PTPRF: variants seen among roughly 807,000 people sequenced by gnomAD.
The protein encoded by PTPRF is receptor-type tyrosine-protein phosphatase F.
Under a neutral mutation model 201.8 loss-of-function variants are expected in PTPRF, and 59 were observed. The observed-to-expected ratio is 0.29, with a 90% CI of 0.24 to 0.36. The LOEUF is 0.36. Ranked by LOEUF, PTPRF falls within the 10% of genes least tolerant of loss-of-function variation. The pLI is 1.00. For synonymous variants in PTPRF, 1,088 were observed against 1,089.7 expected (o/e 1.00, Z 0.03); for missense variants, 2,132 against 2,690.5 (o/e 0.79, Z 4.59).
At chr1:43,596,758 T>C in intron 11 of PTPRF, among the ~76,000 whole-genome samples, 1 of 152,164 alleles carries the variant, frequency 6.6e-6, no homozygotes, top group Non-Finnish European at 1.5e-5. Flanking sequence ...CATATGTGGC[T>C]GTGTGTGCGG....
In PTPRF at chr1:43,585,422, G is replaced by A. The variant is rs183498248; in HGVS notation, c.680-3309G>A. Among the ~76,000 whole-genome samples the A allele has an allele frequency of 3.9e-5, 6 of 152,224 alleles. No individual in the cohort carries two copies. The East Asian group carries it at 9.7e-4, about 25-fold the overall frequency. On this transcript the variant is annotated intron_variant, in intron 7 of 33. Coordinates refer to ENST00000359947, the MANE Select transcript of PTPRF (RefSeq NM_002840.5). ...TGGAAAATGTCTCAGTCTCAGTAACGTTTCTGCGTGGCTGAAGCCCAGTGT... is the reference window on the plus strand; with the variant it reads ...TGGAAAATGTCTCAGTCTCAGTAACATTTCTGCGTGGCTGAAGCCCAGTGT...
intron 3 of PTPRF, among the ~76,000 whole-genome samples, chr1:43,549,588 C>T (rs1395669667): frequency 6.6e-6 from 1 of 152,202 alleles, no homozygotes; most frequent in Non-Finnish European, 1.5e-5. Context: ...GGTGTGGTGG[C>T]TCATACCCGT....
At chr1:43,544,905 G>A (rs1644567186) in intron 2 of PTPRF, 126 bp from the exon 3 acceptor site, 5 of 612,096 alleles carry the variant, frequency 8.2e-6, no homozygotes, top group Non-Finnish European at 8.4e-6. Context: ...GCCCAAGTGG[G>A]GGGCTCTGTT....
At position 43,621,899 on chromosome 1, in the gene PTPRF, G is replaced by A. The variant is rs1358529340; in HGVS notation, c.5656-36G>A. ...AGCTGTGTAGTGGGGGTGTCCACTG[G>A]CGCGACCCACACTGACCAGCCCCCT... On this transcript the variant is annotated intron_variant, in intron 33 of 33. Transcript: ENST00000359947. The A allele has an allele frequency of 2.5e-6, 4 of 1,607,534 alleles. No individual in the cohort carries two copies. The East Asian group carries it at 6.7e-5, about 27-fold the overall frequency.
chr1:43,592,047 T>C, intron 10 of PTPRF, 99 bp downstream of exon 10: 2 of 1,513,828 alleles, frequency 1.3e-6, no homozygotes, highest in Non-Finnish European at 1.8e-6. Flanking sequence ...CTGTGGCTTA[T>C]GTGGGCACAG....
Position 43,621,136 on chromosome 1 carries a change from C to T in PTPRF, c.5559C>T (p.Ser1853=). The T allele has an allele frequency of 6.2e-7, 1 of 1,614,148 alleles. No homozygotes were observed. Among genetic ancestry groups the T allele is most frequent in the South Asian group, 1.1e-5 (1 of 91,082 alleles). The part of the protein sequence containing the change: ...VGRTGVFITL[S]IVLERMRYEG... ...GCACCGGGGTGTTCATCACTCTGAG[C>T]ATCGTCCTGGAGCGCATGCGCTACG... Residue 1853 remains serine (S), a synonymous_variant, in exon 33 of 34, where the codon AGC becomes AGT. Coordinates refer to ENST00000359947, the MANE Select transcript of PTPRF (RefSeq NM_002840.5).
intron 21 of PTPRF, among the ~76,000 whole-genome samples, chr1:43,608,912 C>A (rs554644353): frequency 6.6e-6 from 1 of 152,270 alleles, no homozygotes; most frequent in Non-Finnish European, 1.5e-5. Context: ...TAGGGTGACG[C>A]CTTTCCCGTC....
intron 6 of PTPRF, among the ~76,000 whole-genome samples, chr1:43,574,146 G>A (rs1378304197): frequency 2.0e-5 from 3 of 151,736 alleles, no homozygotes; most frequent in South Asian, 4.2e-4. Flanking sequence ...ACAAGCATGA[G>A]TCACCACGCC....
chr1:43,597,747 G>GCC lies in PTPRF; in HGVS notation c.1817_1818dup (p.Ser607ProfsTer8). 2.0e-6 allele frequency: 2 copies of GCC among 1,006,150 alleles called. No individual in the cohort carries two copies. The highest frequency in any genetic ancestry group is 2.8e-6 in the Non-Finnish European group (2 of 704,744). 62.3% of individuals were successfully genotyped at this position (1,006,150 alleles called of 1,614,324 possible). A position where few individuals can be genotyped will look rare whatever the true frequency, so the allele number is the denominator to read the frequency against. On this transcript the variant is annotated frameshift_variant and splice_region_variant. Coordinates refer to ENST00000359947, the MANE Select transcript of PTPRF (RefSeq NM_002840.5). LOFTEE classifies it high-confidence loss of function. ...GCTTCCCCCCCATTTGTCTTCCCCA[G>GCC]CCCCCTCCGCCCCTCCCCAGAAGGT...
intron 11 of PTPRF, among the ~76,000 whole-genome samples, chr1:43,592,845 C>G (rs1019405529): frequency 6.6e-6 from 1 of 152,138 alleles, no homozygotes; most frequent in Non-Finnish European, 1.5e-5. Flanking sequence ...CCTCCTCCCG[C>G]CCATGCCCCA....
intron 6 of PTPRF, among the ~76,000 whole-genome samples, chr1:43,570,247 C>T (rs899322007): frequency 2.0e-5 from 3 of 152,220 alleles, no homozygotes; most frequent in Non-Finnish European, 4.4e-5. Context: ...TGTTGTCCCT[C>T]GACCACCAGA....
rs1216144298 is a variant in PTPRF at position 43,603,494 on chromosome 1, G to T, written c.2419G>T (p.Ala807Ser). 7 of 1,614,164 alleles carry T rather than the reference G, an allele frequency of 4.3e-6. No individual in the cohort carries two copies. The South Asian group carries it at 5.5e-5, about 13-fold the overall frequency. ...TGCCTATACCACCAAGGGGGATGGT[G>T]CCCGCAGCAAGCCCAAAATTGTCAC... The part of the protein sequence containing the change: ...VAAYTTKGDG[A>S]RSKPKIVTTT... Residue 807 changes from alanine to serine, a missense_variant, in exon 15 of 34, where the codon GCC becomes TCC. Ala to Ser is a moderately conservative substitution (Grantham distance 99). Coordinates refer to ENST00000359947, the MANE Select transcript of PTPRF (RefSeq NM_002840.5). This position sits in a 1 kb window ranked among gnomAD's most constrained non-coding sequence, Gnocchi z 5.8.
chr1:43,597,011 C>T (rs1652436455), intron 11 of PTPRF, among the ~76,000 whole-genome samples: 1 of 151,964 alleles, frequency 6.6e-6, no homozygotes, highest in Non-Finnish European at 1.5e-5. Context: ...GTGTGTGACA[C>T]TGTGAGACAC....
intron 3 of PTPRF, among the ~76,000 whole-genome samples, chr1:43,547,773 G>T (rs1644773994): frequency 6.6e-6 from 1 of 152,252 alleles, no homozygotes; most frequent in Non-Finnish European, 1.5e-5. Context: ...AGAGGCCCCA[G>T]TGTCAGTGCC....
chr1:43,600,664 C>A lies in PTPRF; in HGVS notation c.2314-1407C>A, dbSNP rs79954667. On this transcript the variant is annotated intron_variant, in intron 13 of 33. Transcript: ENST00000359947. ...TGTGGTGCAGGTTCCCACCCCCAGC[C>A]TGGAAGTGTGGAGCCAGACCTGTCT... is the stretch of plus-strand genomic sequence containing the variant. Among the ~76,000 whole-genome samples the A allele has an allele frequency of 3.5e-3, 528 of 151,168 alleles. 6 individuals are homozygous for A. Among genetic ancestry groups the A allele is most frequent in the African/African-American group, 0.012 (499 of 40,454 alleles).
intron 13 of PTPRF, 110 bp from the exon 14 acceptor site, chr1:43,601,961 A>C (rs1653853486): frequency 1.5e-6 from 2 of 1,347,816 alleles, no homozygotes; most frequent in East Asian, 4.6e-5. Flanking sequence ...TTTGAGGCCC[A>C]AAAGCCCTCC....
chr1:43,594,638 T>C (rs1328950869), intron 11 of PTPRF, among the ~76,000 whole-genome samples: 1 of 152,066 alleles, frequency 6.6e-6, no homozygotes, highest in African/African-American at 2.4e-5. Context: ...GGATGCTGAC[T>C]GGTCAGACTT....
intron 6 of PTPRF, among the ~76,000 whole-genome samples, chr1:43,575,287 A>T (rs1023372737): frequency 6.6e-6 from 1 of 152,126 alleles, no homozygotes; most frequent in Non-Finnish European, 1.5e-5. Flanking sequence ...CTCGCCAGCC[A>T]GGCCAAATTG....
rs1210046572 is a variant in PTPRF, at chr1:43,591,217, C to A, written c.1195C>A (p.Pro399Thr). 1 of 1,603,684 alleles carries A rather than the reference C, an allele frequency of 6.2e-7. No individual in the cohort carries two copies. Reference sequence around the variant, plus strand: ...GGCGGTGAACAGCATCGGGCGAGGGCCGCCCAGCGAGGCAGTGCGGGCACG... The same window carrying A: ...GGCGGTGAACAGCATCGGGCGAGGGACGCCCAGCGAGGCAGTGCGGGCACG... ...VLAVNSIGRG[P>T]PSEAVRARTG... Residue 399 changes from proline to threonine, a missense_variant, in exon 9 of 34, where the codon CCG becomes ACG. Around this residue, in one of 6 missense-constraint regions of PTPRF, gnomAD observed 351 missense variants for 401.7 expected, o/e 0.87. Transcript: ENST00000359947.
Sources: allele counts gnomAD v4.1 joint callset (sites outside exome capture counted in the v4.1 genomes callset), GRCh38; gene constraint gnomAD v4.1.1; regional missense constraint gnomAD v4.1.1; non-coding constraint Gnocchi (gnomAD v3.1); transcripts MANE v1.5; gene names NCBI Gene and HGNC (gene_info 2026-07-23, HGNC 2026-07-21).